The following DAAM2 variants were observed in gnomAD, a reference collection of about 807,000 sequenced individuals.
DAAM2 encodes disheveled-associated activator of morphogenesis 2.
In DAAM2, 39 loss-of-function variants were observed where a neutral mutation model predicts 120.7. That is an observed-to-expected ratio of 0.32 (90% CI 0.25 to 0.42). The LOEUF (loss-of-function observed/expected upper bound fraction) is 0.42. DAAM2 is among the 10% of genes least tolerant of loss of function. The pLI is 1.00. For synonymous variants in DAAM2, 488 were observed against 524.9 expected (o/e 0.93, Z 0.96); for missense variants, 1,283 against 1,401.7 (o/e 0.92, Z 1.35).
rs1335364577 is a variant in DAAM2 at position 39,896,776 on chromosome 6, C to T, written c.2342-36C>T. 10 of 1,517,146 alleles carry T rather than the reference C, an allele frequency of 6.6e-6. No individual in the cohort carries two copies. In the Admixed American group the frequency reaches 2.0e-4, roughly 30 times the overall value. The allele number at this position is 1,517,146 out of a possible 1,614,324, so 94.0% of individuals were successfully genotyped here. A position where few individuals can be genotyped will look rare whatever the true frequency, so the allele number is the denominator to read the frequency against. ...CAATGAGAACTGCTGCCCTGCCTAG[C>T]CCATGCAGGCCTCTGACCTGTGCCT... On this transcript the variant is annotated intron_variant, in intron 19 of 24. Coordinates refer to ENST00000274867, the MANE Select transcript of DAAM2 (RefSeq NM_001201427.2).
At chr6:39,895,946 C>G (rs1766055392) in intron 19 of DAAM2, among the ~76,000 whole-genome samples, 1 of 152,178 alleles carries the variant, frequency 6.6e-6, no homozygotes, top group African/African-American at 2.4e-5. Flanking sequence ...CTTATTTCAT[C>G]AAATCTTAGA....
rs1471896004 is a variant in DAAM2 at position 39,904,748 on chromosome 6, G to C, written c.*2711G>C. On this transcript the variant is annotated 3_prime_UTR_variant, in exon 25 of 25. Transcript: ENST00000274867. ...CTTCACGCCAAGGCTGTTCTCACCA[G>C]CTGCCTCAGATGACAAATGAGGCTA... The C allele has an allele frequency of 2.2e-6, 1 of 454,138 alleles. No individual in the cohort carries two copies. Among genetic ancestry groups the C allele is most frequent in the Non-Finnish European group, 4.4e-6 (1 of 226,806 alleles). The allele number at this position is 454,138 out of a possible 1,614,324, so 28.1% of individuals were successfully genotyped here. A position where few individuals can be genotyped will look rare whatever the true frequency, so the allele number is the denominator to read the frequency against.
In DAAM2 at chr6:39,903,102, GGTGGCCACTTGGAACCAT is replaced by G; in HGVS notation, c.*1069_*1086del. ...CACAGCAGCCTCTGTCCAGCCTGCAGGTGGCCACTTGGAACCATGTGTCCACTGGCGTTGGGGAGTTGG... is the reference window on the plus strand; with the variant it reads ...CACAGCAGCCTCTGTCCAGCCTGCAGGTGTCCACTGGCGTTGGGGAGTTGG... On this transcript the variant is annotated 3_prime_UTR_variant, in exon 25 of 25. Transcript: ENST00000274867. 2 of 152,404 alleles carry G rather than the reference GGTGGCCACTTGGAACCAT, an allele frequency of 1.3e-5. No individual in the cohort carries two copies. Among genetic ancestry groups the G allele is most frequent in the South Asian group, 2.1e-4 (1 of 4,830 alleles). 9.4% of individuals were successfully genotyped at this position (152,404 alleles called of 1,614,324 possible).
chr6:39,864,386 G>C, intron 3 of DAAM2, 47 bp from the exon 4 acceptor site: 2 of 1,468,036 alleles, frequency 1.4e-6, no homozygotes, highest in South Asian at 1.2e-5. Context: ...CTCAGGCCAC[G>C]GGCCTGTCTT....
At chr6:39,887,858 C>T in intron 16 of DAAM2, 1 of 443,622 alleles carries the variant, frequency 2.3e-6, no homozygotes, top group Non-Finnish European at 4.2e-6. Context: ...TCGCTTGGCT[C>T]AGGCCATGGA....
At position 39,883,998 on chromosome 6, in the gene DAAM2, G is replaced by A; in HGVS notation, c.1882G>A (p.Asp628Asn). ...TGGCACCGTATGGAATGAGATTGAT[G>A]ACATGCAGGTATTTCGGATCCTGGA... ...VPGTVWNEID[D>N]MQVFRILDLE... Residue 628 changes from aspartate to asparagine, a missense_variant, in exon 15 of 25, where the codon GAC becomes AAC. Transcript: ENST00000274867. 6.2e-7 allele frequency: 1 copy of A among 1,613,576 alleles called. No individual in the cohort carries two copies. The highest frequency in any genetic ancestry group is 2.2e-5 in the East Asian group (1 of 44,880).
chr6:39,805,390 C>T (rs1031856533), intron 1 of DAAM2, among the ~76,000 whole-genome samples: 1 of 152,072 alleles, frequency 6.6e-6, no homozygotes, highest in African/African-American at 2.4e-5. Context: ...GTGCCTGGAA[C>T]ATAGTATGTA....
chr6:39,836,534 G>C (rs533230185), intron 1 of DAAM2, among the ~76,000 whole-genome samples: 3 of 152,156 alleles, frequency 2.0e-5, no homozygotes, highest in Non-Finnish European at 4.4e-5. Flanking sequence ...TTGTTAGTTG[G>C]TGGCAAAGCT....
intron 1 of DAAM2, among the ~76,000 whole-genome samples, chr6:39,812,953 A>T (rs1474646310): frequency 6.6e-6 from 1 of 152,064 alleles, no homozygotes; most frequent in Non-Finnish European, 1.5e-5. Flanking sequence ...GGGAAAGGGG[A>T]TCGTAGTCCA....
At chr6:39,892,400 CACTGGTGAGTGGTGGA>C (rs1765786097) in intron 19 of DAAM2, among the ~76,000 whole-genome samples, 1 of 152,194 alleles carries the variant, frequency 6.6e-6, no homozygotes, top group African/African-American at 2.4e-5. Flanking sequence ...GAGGCTGTGA[CACTGGTGAGTGGTGGA>C]ACCAGGGTAG....
At chr6:39,841,335 TTCCAGGGGGAGAGGC>T (rs1763328194) in intron 1 of DAAM2, among the ~76,000 whole-genome samples, 2 of 95,960 alleles carry the variant, frequency 2.1e-5, no homozygotes, top group South Asian at 4.4e-4. Context: ...AGGGCGAGGG[TTCCAGGGGGAGAGGC>T]TCCAGGGGGA....
At chr6:39,860,858 C>G in intron 2 of DAAM2, 70 bp from the exon 3 acceptor site, 2 of 1,257,214 alleles carry the variant, frequency 1.6e-6, no homozygotes, top group Non-Finnish European at 2.3e-6. Context: ...TTGTAATTTC[C>G]TGCAGGGCTG....
chr6:39,860,289 C>G (rs1423381276), intron 2 of DAAM2, among the ~76,000 whole-genome samples: 1 of 152,226 alleles, frequency 6.6e-6, no homozygotes, highest in Non-Finnish European at 1.5e-5. Context: ...GGGGCTGCCT[C>G]CAGCAGGCAC....
chr6:39,898,792 G>T (rs1199481114), intron 21 of DAAM2, 85 bp from the exon 22 acceptor site: 2 of 1,191,180 alleles, frequency 1.7e-6, no homozygotes, highest in Non-Finnish European at 2.5e-6. Flanking sequence ...ACTGTGCTTG[G>T]CTCTGCCCTC....
At chr6:39,816,524 C>T (rs1762314831) in intron 1 of DAAM2, among the ~76,000 whole-genome samples, 1 of 152,170 alleles carries the variant, frequency 6.6e-6, no homozygotes. Flanking sequence ...CCAGACATTG[C>T]CAAATGTCTC....
At chr6:39,867,474 T>C (rs1278023578) in intron 5 of DAAM2, 36 bp from the exon 6 acceptor site, 2 of 1,599,216 alleles carry the variant, frequency 1.3e-6, no homozygotes, top group East Asian at 2.2e-5. Flanking sequence ...CAGAATCATA[T>C]GCAAATATAT....
intron 15 of DAAM2, 78 bp downstream of exon 15, chr6:39,884,147 C>T: frequency 2.6e-6 from 2 of 761,970 alleles, no homozygotes; most frequent in South Asian, 1.6e-5. Context: ...TTTCTGCCTG[C>T]CTGCCTTCCT....
chr6:39,901,188 A>G lies in DAAM2; in HGVS notation c.2812-114A>G, dbSNP rs1450832617. ...TCTTCCAGCCCTGCCCCCTGTGCCA[A>G]CAGTCCCCAGCCTTGCGCTGGGCTC... On this transcript the variant is annotated intron_variant, in intron 23 of 24. Transcript: ENST00000274867. The surrounding 1 kb of genome is among the most constrained non-coding windows in gnomAD (Gnocchi z 4.5). 1.1e-6 allele frequency: 1 copy of G among 921,674 alleles called. No homozygotes were observed. The highest frequency in any genetic ancestry group is 2.4e-5 in the East Asian group (1 of 40,868). The allele number at this position is 921,674 out of a possible 1,614,324, so 57.1% of individuals were successfully genotyped here.
In DAAM2 at chr6:39,846,864, C is replaced by T. The variant is rs550735824; in HGVS notation, c.-56-9383C>T. Among the ~76,000 whole-genome samples, 8 of 152,200 alleles carry T rather than the reference C, an allele frequency of 5.3e-5. No homozygotes were observed. In the East Asian group the frequency reaches 7.7e-4, roughly 15 times the overall value. On this transcript the variant is annotated intron_variant, in intron 1 of 24. Transcript: ENST00000274867. ...CCCAACAAATATTTGTTTGAAAGAA[C>T]GAATGAAGTGGTGAAATTGTACACA...
Sources: allele counts gnomAD v4.1 joint callset (sites outside exome capture counted in the v4.1 genomes callset), GRCh38; gene constraint gnomAD v4.1.1; non-coding constraint Gnocchi (gnomAD v3.1); transcripts MANE v1.5; gene names NCBI Gene and HGNC (gene_info 2026-07-23, HGNC 2026-07-21).